ZNF273: variants seen among roughly 807,000 people sequenced by gnomAD.
ZNF273 encodes zinc finger protein 9.
Under a neutral mutation model 14.9 loss-of-function variants are expected in ZNF273, and 11 were observed. The ratio of observed to expected loss-of-function variants is 0.74; its 90% CI spans 0.46 to 1.22. ZNF273 has a LOEUF of 1.22. Among genes scored for constraint, ZNF273 ranks in the 50% most tolerant of loss-of-function variants. The probability of loss-of-function intolerance (pLI) is 0.00; values close to 1 mark genes in which losing one functional copy is unlikely to be tolerated. For synonymous variants in ZNF273, 199 were observed against 223.9 expected, an observed-to-expected ratio of 0.89 and a Z score of 0.99; for missense variants, 577 against 660.6, an observed-to-expected ratio of 0.87 and a Z score of 1.39.
At chr7:64,918,454 A>C (rs541226228) in intron 3 of ZNF273, among the ~76,000 whole-genome samples, 162 bp downstream of exon 3, 3 of 152,158 alleles carry the variant, frequency 2.0e-5, no homozygotes, top group Admixed American at 2.0e-4. Context: ...CGAGGTCAAG[A>C]GATCCAGAGC....
Position 64,927,823 on chromosome 7 carries a change from A to G in ZNF273, c.495A>G (p.Gly165=), listed in dbSNP as rs754690907. 15 of 1,613,954 alleles carry G rather than the reference A, an allele frequency of 9.3e-6. No individual in the cohort carries two copies. Among genetic ancestry groups the G allele is most frequent in the East Asian group, 6.7e-5 (3 of 44,862 alleles). The stretch of plus-strand genomic sequence containing the variant: ...AGGTGCACAAAAGAGGTTATAATGG[A>G]CTTAACCAATGTTTGACAACTACCC... The part of the protein sequence containing the change: ...EHKVHKRGYN[G]LNQCLTTTQS... The change falls in exon 4 of 4, where the codon GGA becomes GGG. Residue 165 remains glycine, a synonymous_variant. Transcript: ENST00000476120.
chr7:64,883,020 C>T (rs1287716347), downstream of ZNF273, among the ~76,000 whole-genome samples: 1 of 152,138 alleles, frequency 6.6e-6, no homozygotes, highest in Non-Finnish European at 1.5e-5. Flanking sequence ...TGCGTGAAGG[C>T]GGCGTCCGCT....
chr7:64,917,192 C>A, intron 1 of ZNF273: 1 of 972,600 alleles, frequency 1.0e-6, no homozygotes, highest in Non-Finnish European at 1.4e-6. Flanking sequence ...ATAACAAGAT[C>A]TCCAGTTTAT....
intron 1 of ZNF273, among the ~76,000 whole-genome samples, chr7:64,915,764 G>A (rs1339571611): frequency 5.3e-5 from 8 of 152,162 alleles, no homozygotes. Context: ...CCAACAAGCT[G>A]GGGTCCTTTG....
intron 3 of ZNF273, chr7:64,924,389 T>C (rs983174502): frequency 2.0e-5 from 3 of 152,216 alleles, no homozygotes; most frequent in African/African-American, 4.8e-5. Flanking sequence ...CTGTCTTGTT[T>C]TATTCTTACT....
chr7:64,888,179 C>G (rs1042641152), intron 1 of ZNF273, among the ~76,000 whole-genome samples: 1 of 152,136 alleles, frequency 6.6e-6, no homozygotes, highest in Non-Finnish European at 1.5e-5. Flanking sequence ...CCCCCGGGGC[C>G]CTCATTTCAC....
chr7:64,905,104 G>A (rs1045232697), intron 1 of ZNF273, among the ~76,000 whole-genome samples: 1 of 135,780 alleles, frequency 7.4e-6, no homozygotes, highest in African/African-American at 2.7e-5. Context: ...GCATCTCCTG[G>A]TGCACTTTTT....
At chr7:64,901,006 A>ATTTATT (rs1554383185), upstream of ZNF273, among the ~76,000 whole-genome samples, 49 of 95,216 alleles carry the variant, frequency 5.1e-4, no homozygotes, top group East Asian at 6.9e-3. Context: ...GCCTTTATTT[A>ATTTATT]TTTTTTTTTT....
intron 3 of ZNF273, chr7:64,923,453 T>C (rs1794611239): frequency 2.3e-6 from 1 of 441,222 alleles, no homozygotes; most frequent in Non-Finnish European, 4.5e-6. Context: ...GTGATTCTAC[T>C]GCCTCAGCCT....
Position 64,917,654 on chromosome 7 carries a change from A to T in ZNF273, c.176A>T (p.Gln59Leu). ...TGGCAATGCCTGGACACTTCACAGC[A>T]GAATTTGTATAGGAATGTGATGTTA... The part of the protein sequence containing the change: ...EEWQCLDTSQ[Q>L]NLYRNVMLDN... Residue 59 changes from glutamine to leucine, a missense_variant, in exon 2 of 4, where the codon CAG becomes CTG. Around this residue, in one of 3 missense-constraint regions of ZNF273, gnomAD observed 162 missense variants for 203.5 expected, o/e 0.80. Coordinates refer to ENST00000476120, the MANE Select transcript of ZNF273 (RefSeq NM_021148.3). 6.2e-7 allele frequency: 1 copy of T among 1,600,140 alleles called. No individual in the cohort carries two copies. The highest frequency in any genetic ancestry group is 8.5e-7 in the Non-Finnish European group (1 of 1,171,298).
Position 64,928,564 on chromosome 7 carries a change from A to G in ZNF273, c.1236A>G (p.Lys412=). ...YKCEECGKAF[K]RSTTLTKHKR... ...GTGAAGAATGTGGTAAAGCCTTTAA[A>G]CGGTCCACAACTCTTACTAAACATA... Residue 412 remains lysine (K), a synonymous_variant, in exon 4 of 4, where the codon AAA becomes AAG. Coordinates refer to ENST00000476120, the MANE Select transcript of ZNF273 (RefSeq NM_021148.3). The G allele has an allele frequency of 6.2e-7, 1 of 1,612,074 alleles. No individual in the cohort carries two copies. The highest frequency in any genetic ancestry group is 8.5e-7 in the Non-Finnish European group (1 of 1,179,354).
chr7:64,924,157 T>C (rs1584008618), intron 3 of ZNF273: 1 of 150,924 alleles, frequency 6.6e-6, no homozygotes, highest in Non-Finnish European at 1.5e-5. Flanking sequence ...TTTAATATTG[T>C]TTTATATTGT....
chr7:64,886,011 C>G (rs1181801561), intron 1 of ZNF273, among the ~76,000 whole-genome samples: 1 of 148,772 alleles, frequency 6.7e-6, no homozygotes, highest in Non-Finnish European at 1.5e-5. Context: ...AGCAGGGAGA[C>G]TGATACCAGA....
chr7:64,888,190 C>A, intron 1 of ZNF273: 2 of 670,098 alleles, frequency 3.0e-6, no homozygotes, highest in East Asian at 2.7e-4. Context: ...CTCATTTCAC[C>A]CCATTCCCTG....
intron 3 of ZNF273, among the ~76,000 whole-genome samples, chr7:64,921,637 T>TTTTTTTTTTTTTTTTTG (rs750737426): frequency 2.0e-4 from 6 of 29,576 alleles, no homozygotes; most frequent in African/African-American, 7.8e-4. Flanking sequence ...TTTTTTTTTT[T>TTTTTTTTTTTTTTTTTG]GTGTGTGAGA....
intron 1 of ZNF273, among the ~76,000 whole-genome samples, chr7:64,913,463 A>G (rs1395011033): frequency 6.6e-6 from 1 of 152,168 alleles, no homozygotes; most frequent in East Asian, 1.9e-4. Context: ...GAGTGAGAAC[A>G]CGGTGAACAC....
intron 1 of ZNF273, among the ~76,000 whole-genome samples, chr7:64,910,616 GT>G: frequency 6.6e-6 from 1 of 151,602 alleles, no homozygotes; most frequent in Admixed American, 6.6e-5. Flanking sequence ...GTCTGGTAAT[GT>G]AATGACTCCA....
At chr7:64,881,449 T>C (rs1791252098), downstream of ZNF273, among the ~76,000 whole-genome samples, 1 of 152,234 alleles carries the variant, frequency 6.6e-6, no homozygotes, top group South Asian at 2.1e-4. Flanking sequence ...GTGATACTTT[T>C]GGAAGGGTAA....
intron 1 of ZNF273, among the ~76,000 whole-genome samples, chr7:64,916,510 A>C (rs982323963): frequency 4.2e-5 from 6 of 141,862 alleles, no homozygotes; most frequent in Admixed American, 3.9e-4. Context: ...ACACCATTGC[A>C]CTCTAGCCTG....
Sources: gnomAD v4.1 joint callset for allele counts (sites outside exome capture counted in the v4.1 genomes callset) on GRCh38, gnomAD v4.1.1 for gene constraint, gnomAD v4.1.1 regional missense constraint, MANE v1.5 for transcripts, NCBI Gene and HGNC (gene_info 2026-07-23, HGNC 2026-07-21) for gene names.